ASIC4: variants seen among roughly 807,000 people sequenced by gnomAD.
ASIC4 encodes the protein acid sensing ion channel subunit family member 4.
Under a neutral mutation model 53.4 loss-of-function variants are expected in ASIC4, and 28 were observed. That is an observed-to-expected ratio of 0.52 (90% CI 0.39 to 0.72). The LOEUF is 0.72. Ranked by LOEUF, ASIC4 falls within the 30% of genes least tolerant of loss-of-function variation. The probability of loss-of-function intolerance (pLI) is 0.00; values close to 1 mark genes in which losing one functional copy is unlikely to be tolerated. For missense variants in ASIC4, 649 were observed against 729.7 expected (o/e 0.89, Z 1.27); for synonymous variants, 289 against 301.4 (o/e 0.96, Z 0.43).
At position 219,537,291 on chromosome 2, in the gene ASIC4, G is replaced by A. The variant is rs144755140; in HGVS notation, c.1371G>A (p.Thr457=). The A allele has an allele frequency of 1.7e-5, 28 of 1,613,604 alleles. No individual in the cohort carries two copies. The East Asian group carries it at 3.6e-4, about 21-fold the overall frequency. Residue 457 remains threonine, a synonymous_variant, in exon 8 of 10, where the codon ACG becomes ACA. Coordinates refer to ENST00000358078, the MANE Select transcript of ASIC4 (RefSeq NM_018674.6). This position sits in a 1 kb window ranked among gnomAD's most constrained non-coding sequence, Gnocchi z 4.9. ...MGLFIGASIL[T]LLEILDYIYE... Reference sequence around the variant, plus strand: ...TGTTCATTGGGGCCAGCATCCTCACGTTGCTGGAGATCCTCGACTACATCT... The same window carrying A: ...TGTTCATTGGGGCCAGCATCCTCACATTGCTGGAGATCCTCGACTACATCT...
intron 1 of ASIC4, among the ~76,000 whole-genome samples, chr2:219,520,090 G>C (rs144022760): frequency 6.6e-6 from 1 of 152,050 alleles, no homozygotes; most frequent in Non-Finnish European, 1.5e-5. Context: ...AGGCAGCCCC[G>C]GGGGGCCAGG....
At chr2:219,535,006 G>A (rs1321883833) in intron 5 of ASIC4, among the ~76,000 whole-genome samples, 165 bp from the exon 6 acceptor site, 1 of 152,152 alleles carries the variant, frequency 6.6e-6, no homozygotes, top group African/African-American at 2.4e-5. Context: ...TTCAGGCGGG[G>A]ACCTGCAGCC....
Position 219,532,018 on chromosome 2 carries a change from G to A in ASIC4, c.745G>A (p.Ala249Thr). The A allele has an allele frequency of 5.0e-6, 8 of 1,614,226 alleles. No individual in the cohort carries two copies. Among genetic ancestry groups the A allele is most frequent in the Non-Finnish European group, 6.8e-6 (8 of 1,180,036 alleles). Residue 249 changes from alanine to threonine, a missense_variant, in exon 3 of 10, where the codon GCA becomes ACA. Ala to Thr is a moderately conservative substitution (Grantham distance 58, BLOSUM62 0). Coordinates refer to ENST00000358078, the MANE Select transcript of ASIC4 (RefSeq NM_018674.6). ...WRETNETSFE[A>T]GIRVQIHSQE... The stretch of plus-strand genomic sequence containing the variant: ...CTGTGCAGATGAGACGTCGTTTGAG[G>A]CAGGTATTCGGGTGCAGATCCACAG...
intron 5 of ASIC4, chr2:219,533,198 A>C (rs1695072771): frequency 1.8e-6 from 1 of 561,332 alleles, no homozygotes; most frequent in African/African-American, 1.9e-5. Flanking sequence ...TGGGCTTCTC[A>C]TCTTGGTTCA....
intron 1 of ASIC4, among the ~76,000 whole-genome samples, chr2:219,526,411 A>G (rs777719073): frequency 2.2e-4 from 33 of 152,158 alleles, no homozygotes; most frequent in Non-Finnish European, 4.4e-4. Context: ...CGACAGCCAG[A>G]CTAAGGGATG....
intron 1 of ASIC4, among the ~76,000 whole-genome samples, chr2:219,522,987 T>G (rs1417868070): frequency 5.3e-5 from 8 of 151,604 alleles, no homozygotes; most frequent in African/African-American, 1.9e-4. Flanking sequence ...GCCCTCTGGG[T>G]GCGGGTGGGC....
At chr2:219,521,331 G>A (rs570681521) in intron 1 of ASIC4, among the ~76,000 whole-genome samples, 5 of 152,320 alleles carry the variant, frequency 3.3e-5, no homozygotes, top group African/African-American at 7.2e-5. Context: ...AGACACTGCC[G>A]GAAGATGCTG....
chr2:219,510,003 G>C (rs962003438), upstream of ASIC4, among the ~76,000 whole-genome samples: 1 of 151,896 alleles, frequency 6.6e-6, no homozygotes, highest in Non-Finnish European at 1.5e-5. This position sits in a 1 kb window ranked among gnomAD's most constrained non-coding sequence, Gnocchi z 5.2. Context: ...TGTGGGGGGC[G>C]GGGGCTCTGT....
At chr2:219,519,087 G>T (rs1342755969) in intron 1 of ASIC4, among the ~76,000 whole-genome samples, 1 of 152,116 alleles carries the variant, frequency 6.6e-6, no homozygotes, top group Non-Finnish European at 1.5e-5. Flanking sequence ...TGTAATTTTA[G>T]TACAGATGGG....
chr2:219,514,407 C>G (rs779433368), upstream of ASIC4: 4 of 1,548,786 alleles, frequency 2.6e-6, no homozygotes, highest in Non-Finnish European at 3.5e-6. Context: ...CTCGCTCACT[C>G]GCTCGCTCGC....
chr2:219,522,112 G>C (rs1047475458), intron 1 of ASIC4, among the ~76,000 whole-genome samples: 20 of 152,298 alleles, frequency 1.3e-4, no homozygotes, highest in African/African-American at 4.3e-4. Flanking sequence ...TGCTCACCAT[G>C]CCCTTGGGAC....
chr2:219,514,205 G>A (rs1206716953), upstream of ASIC4: 4 of 1,074,100 alleles, frequency 3.7e-6, no homozygotes, highest in Non-Finnish European at 5.2e-6. Flanking sequence ...AGGAGTTTGG[G>A]GGATAGCCCC....
intron 1 of ASIC4, among the ~76,000 whole-genome samples, chr2:219,523,894 G>A (rs2125661219): frequency 6.6e-6 from 1 of 151,992 alleles, no homozygotes; most frequent in East Asian, 1.9e-4. Context: ...CATCACGGTG[G>A]CTCCCTGCAG....
upstream of ASIC4, among the ~76,000 whole-genome samples, chr2:219,510,597 C>G (rs1375772151): frequency 6.6e-6 from 1 of 152,224 alleles, no homozygotes; most frequent in African/African-American, 2.4e-5. This position sits in a 1 kb window ranked among gnomAD's most constrained non-coding sequence, Gnocchi z 5.2. Flanking sequence ...CCACTTCCTC[C>G]TGATGCCCCC....
At chr2:219,520,459 G>C (rs1424641012) in intron 1 of ASIC4, among the ~76,000 whole-genome samples, 2 of 152,134 alleles carry the variant, frequency 1.3e-5, no homozygotes, top group African/African-American at 4.8e-5. Flanking sequence ...TCTCTTCCCA[G>C]TGTGTGGTCA....
rs1238680842 is a variant in ASIC4 at position 219,516,755 on chromosome 2, A to G, written c.582+1449A>G. On this transcript the variant is annotated intron_variant, in intron 1 of 9. Transcript: ENST00000358078. The surrounding 1 kb of genome is among the most constrained non-coding windows in gnomAD (Gnocchi z 4.9). The stretch of plus-strand genomic sequence containing the variant: ...GCCAACGAGGTTCCTGGCCCCCACC[A>G]TGCCTGCAGTGTCTGGGGCCTCCCG... The G allele has an allele frequency of 6.6e-6, 1 of 152,182 alleles. No homozygotes were observed. Among genetic ancestry groups the G allele is most frequent in the Admixed American group, 6.5e-5 (1 of 15,280 alleles). The allele number at this position is 152,182 out of a possible 1,614,324, so 9.4% of individuals were successfully genotyped here.
In ASIC4 at chr2:219,538,178, C is replaced by A; in HGVS notation, c.*132C>A. The A allele has an allele frequency of 2.7e-6, 2 of 740,984 alleles. No homozygotes were observed. Among genetic ancestry groups the A allele is most frequent in the Non-Finnish European group, 4.6e-6 (2 of 430,716 alleles). The allele number at this position is 740,984 out of a possible 1,614,324, so 45.9% of individuals were successfully genotyped here. A position where few individuals can be genotyped will look rare whatever the true frequency, so the allele number is the denominator to read the frequency against. On this transcript the variant is annotated 3_prime_UTR_variant, in exon 10 of 10. Coordinates refer to ENST00000358078, the MANE Select transcript of ASIC4 (RefSeq NM_018674.6). ...GCCAGGACTCAGTTCCTGCTCTCAT[C>A]CTCCCCTGCCCTGATGTCAGCTGCT...
chr2:219,535,143 C>T (rs1451411566), intron 5 of ASIC4, 28 bp from the exon 6 acceptor site: 1 of 1,598,718 alleles, frequency 6.3e-7, no homozygotes, highest in African/African-American at 1.3e-5. Flanking sequence ...CTCCAACTCC[C>T]ACTGTAGCTG....
intron 1 of ASIC4, among the ~76,000 whole-genome samples, chr2:219,525,730 TGTTCCACCCCAGG>T (rs1381248675): frequency 6.6e-6 from 1 of 152,210 alleles, no homozygotes; most frequent in East Asian, 1.9e-4. Flanking sequence ...CCCTGGGAGC[TGTTCCACCCCAGG>T]GTGCTGGTCA....
Sources: allele counts gnomAD v4.1 joint callset (sites outside exome capture counted in the v4.1 genomes callset), GRCh38; gene constraint gnomAD v4.1.1; non-coding constraint Gnocchi (gnomAD v3.1); transcripts MANE v1.5; gene names NCBI Gene and HGNC (gene_info 2026-07-23, HGNC 2026-07-21).